Variants in MAPT observed in about 807,000 individuals in gnomAD.
MAPT encodes the protein microtubule associated protein tau.
MAPT carries 34 observed loss-of-function variants against 67.9 expected under a neutral mutation model. The ratio of observed to expected loss-of-function variants is 0.50; its 90% CI spans 0.38 to 0.67. MAPT has a LOEUF of 0.67. Among genes scored for constraint, MAPT ranks in the 30% least tolerant of loss-of-function variants. The pLI is 0.00. For missense variants in MAPT, 881 were observed against 1,115.2 expected (o/e 0.79, Z 2.99); for synonymous variants, 456 against 464.5 (o/e 0.98, Z 0.23).
intron 2 of MAPT, among the ~76,000 whole-genome samples, chr17:45,968,206 C>CA (rs1486950587): frequency 2.2e-4 from 31 of 143,214 alleles, no homozygotes; most frequent in African/African-American, 8.1e-4. Context: ...AAACAAAAAA[C>CA]AACAAAAAAA....
chr17:45,901,164 A>C (rs2063585662), intron 1 of MAPT, among the ~76,000 whole-genome samples: 1 of 152,238 alleles, frequency 6.6e-6, no homozygotes, highest in Non-Finnish European at 1.5e-5. Flanking sequence ...TGCCACAGGC[A>C]AGCGGAGATT....
At chr17:45,941,921 G>C (rs533273438) in intron 1 of MAPT, among the ~76,000 whole-genome samples, 150 of 152,042 alleles carry the variant, frequency 9.9e-4, no homozygotes, top group Non-Finnish European at 1.6e-3. Flanking sequence ...TTTTCTTCCT[G>C]ATCCAAATTC....
At chr17:45,988,390 T>TC (rs1241325689) in intron 6 of MAPT, among the ~76,000 whole-genome samples, 13 of 152,030 alleles carry the variant, frequency 8.6e-5, no homozygotes, top group African/African-American at 3.1e-4. Context: ...TGTGACCTGT[T>TC]CCCCTCCAAA....
chr17:45,950,525 G>C (rs1361793635), intron 1 of MAPT, among the ~76,000 whole-genome samples: 1 of 151,966 alleles, frequency 6.6e-6, no homozygotes, highest in Non-Finnish European at 1.5e-5. Flanking sequence ...CCCCTGCCAG[G>C]CTCCTTCCTC....
At chr17:45,894,822 C>T (rs1426922618) in intron 1 of MAPT, 136 bp downstream of exon 1, 1 of 152,520 alleles carries the variant, frequency 6.6e-6, no homozygotes, top group Non-Finnish European at 1.5e-5. Context: ...GGGCCCCTCC[C>T]TGCCTCCCCT....
At chr17:45,950,296 C>G (rs1240054614) in intron 1 of MAPT, among the ~76,000 whole-genome samples, 2 of 152,152 alleles carry the variant, frequency 1.3e-5, no homozygotes, top group Non-Finnish European at 1.5e-5. Flanking sequence ...GGGCGAGATG[C>G]CTGGGGTTTC....
intron 9 of MAPT, among the ~76,000 whole-genome samples, chr17:46,008,433 A>G (rs2075599053): frequency 6.6e-6 from 1 of 152,224 alleles, no homozygotes; most frequent in African/African-American, 2.4e-5. Flanking sequence ...TTGCATGTGC[A>G]CAATAATTCT....
At chr17:45,959,388 T>C (rs2070123705) in intron 1 of MAPT, among the ~76,000 whole-genome samples, 1 of 152,234 alleles carries the variant, frequency 6.6e-6, no homozygotes, top group Admixed American at 6.5e-5. Flanking sequence ...TAACTCAGTG[T>C]TGACAAGACT....
chr17:45,999,218 C>T, intron 9 of MAPT: 1 of 1,554,320 alleles, frequency 6.4e-7, no homozygotes, highest in Non-Finnish European at 8.7e-7. Flanking sequence ...CCTCTCTCTT[C>T]TTAAAGCCCC....
chr17:45,996,270 C>G lies in MAPT; in HGVS notation c.1733-129C>G, dbSNP rs2074460658. ...GCAGCCGTCTGCTGTAGCTGCGCTT[C>G]CAACCTGGCTTCCACCTGCCTAACC... is the stretch of plus-strand genomic sequence containing the variant. On this transcript the variant is annotated intron_variant, in intron 8 of 12. Transcript: ENST00000262410. This position sits in a 1 kb window ranked among gnomAD's most constrained non-coding sequence, Gnocchi z 4.5. The G allele has an allele frequency of 9.8e-7, 1 of 1,021,474 alleles. No homozygotes were observed. The highest frequency in any genetic ancestry group is 1.5e-6 in the Non-Finnish European group (1 of 664,268). 63.3% of individuals were successfully genotyped at this position (1,021,474 alleles called of 1,614,324 possible). A position where few individuals can be genotyped will look rare whatever the true frequency, so the allele number is the denominator to read the frequency against.
chr17:45,904,950 A>G (rs1037379949), intron 1 of MAPT, among the ~76,000 whole-genome samples: 1 of 152,114 alleles, frequency 6.6e-6, no homozygotes, highest in Non-Finnish European at 1.5e-5. Context: ...TCGCATGTGA[A>G]CCTGTCCCTT....
chr17:46,014,893 AGC>A (rs2076069071), intron 11 of MAPT, among the ~76,000 whole-genome samples: 1 of 151,526 alleles, frequency 6.6e-6, no homozygotes, highest in Non-Finnish European at 1.5e-5. Context: ...AAAAAAAAAA[AGC>A]ACATGTTCTC....
At chr17:45,991,312 C>A in intron 7 of MAPT, 148 bp from the exon 8 acceptor site, 1 of 945,422 alleles carries the variant, frequency 1.1e-6, no homozygotes, top group Non-Finnish European at 1.7e-6. Context: ...GTGGTTGTAG[C>A]AGACACTAGT....
chr17:45,982,222 T>C (rs2073044241), intron 4 of MAPT, among the ~76,000 whole-genome samples: 1 of 150,806 alleles, frequency 6.6e-6, no homozygotes, highest in African/African-American at 2.4e-5. Context: ...CTCGGGAGGC[T>C]GAGGCAGGAG....
chr17:45,997,377 G>T (rs2074574720), intron 9 of MAPT, among the ~76,000 whole-genome samples: 1 of 152,208 alleles, frequency 6.6e-6, no homozygotes, highest in African/African-American at 2.4e-5. Context: ...CCTCTCTGTG[G>T]CCGTGGGTAG....
At position 45,906,669 on chromosome 17, in the gene MAPT, A is replaced by T. The variant is rs2064330721; in HGVS notation, c.-18+11983A>T. On this transcript the variant is annotated intron_variant, in intron 1 of 12. Transcript: ENST00000262410. The surrounding 1 kb of genome is among the most constrained non-coding windows in gnomAD (Gnocchi z 4.3). The stretch of plus-strand genomic sequence containing the variant: ...GGCCCATCTCTTCTCCAGCGTGGCC[A>T]GGTTTGAGTGCCAGTCCTGGGTGTC... Among the ~76,000 whole-genome samples the T allele has an allele frequency of 6.6e-6, 1 of 152,070 alleles. No individual in the cohort carries two copies. The highest frequency in any genetic ancestry group is 1.5e-5 in the Non-Finnish European group (1 of 68,008).
chr17:45,992,988 A>G (rs534315055), intron 8 of MAPT, among the ~76,000 whole-genome samples: 40 of 151,618 alleles, frequency 2.6e-4, no homozygotes, highest in Non-Finnish European at 5.0e-4. Context: ...CCAGTGAAGT[A>G]TTCCAGGCCC....
At chr17:45,909,673 C>T (rs1481189747) in intron 1 of MAPT, among the ~76,000 whole-genome samples, 3 of 152,130 alleles carry the variant, frequency 2.0e-5, no homozygotes, top group African/African-American at 7.2e-5. Context: ...GAGTTTGAGA[C>T]CAGCCTGGCC....
chr17:45,911,123 C>T (rs147394516), intron 1 of MAPT, among the ~76,000 whole-genome samples: 39 of 152,290 alleles, frequency 2.6e-4, no homozygotes, highest in African/African-American at 9.1e-4. Flanking sequence ...TCACTAGTGC[C>T]CGTTATTTGT....
Sources: gnomAD v4.1 joint callset for allele counts (sites outside exome capture counted in the v4.1 genomes callset) on GRCh38, gnomAD v4.1.1 for gene constraint, Gnocchi (gnomAD v3.1) non-coding constraint, MANE v1.5 for transcripts, NCBI Gene and HGNC (gene_info 2026-07-23, HGNC 2026-07-21) for gene names.